OSTN: variants seen among roughly 807,000 people sequenced by gnomAD.
OSTN encodes osteocrin.
Under a neutral mutation model 12.0 loss-of-function variants are expected in OSTN, and 9 were observed. The observed-to-expected ratio is 0.75, with a 90% CI of 0.45 to 1.30. The LOEUF (loss-of-function observed/expected upper bound fraction) is 1.30, where lower values mean the gene tolerates loss of function less well. OSTN is among the 50% of genes most tolerant of loss of function. The pLI is 0.00. For synonymous variants in OSTN, 59 were observed against 56.9 expected (o/e 1.04, Z -0.16); for missense variants, 148 against 152.3 (o/e 0.97, Z 0.15).
intron 3 of OSTN, among the ~76,000 whole-genome samples, chr3:191,246,009 G>A (rs9869041): frequency 0.3 from 42,572 of 143,048 alleles, 7,676 homozygotes; most frequent in Middle Eastern, 0.53. Flanking sequence ...AAAGGTTGCC[G>A]TGAACTGAGA....
chr3:191,263,848 A>C lies in OSTN; in HGVS notation c.*995A>C, dbSNP rs1715862820. On this transcript the variant is annotated 3_prime_UTR_variant, in exon 5 of 5. Transcript: ENST00000682035. ...TTTTTGAATGACTTATTAAAACATAAGTTTTCGTATTGTAGAAAACTCAGT... is the reference window on the plus strand; with the variant it reads ...TTTTTGAATGACTTATTAAAACATACGTTTTCGTATTGTAGAAAACTCAGT... 1 of 152,152 alleles carries C rather than the reference A, an allele frequency of 6.6e-6. No homozygotes were observed. Among genetic ancestry groups the C allele is most frequent in the East Asian group, 1.9e-4 (1 of 5,204 alleles). The allele number at this position is 152,152 out of a possible 1,614,324, so 9.4% of individuals were successfully genotyped here.
chr3:191,209,939 G>A (rs1447269691), intron 1 of OSTN, among the ~76,000 whole-genome samples: 1 of 152,124 alleles, frequency 6.6e-6, no homozygotes, highest in Non-Finnish European at 1.5e-5. Context: ...TTCCCTCTCT[G>A]TCAGTTTTAT....
At chr3:191,235,177 G>C (rs1177415718) in intron 3 of OSTN, among the ~76,000 whole-genome samples, 3 of 152,088 alleles carry the variant, frequency 2.0e-5, no homozygotes, top group African/African-American at 7.2e-5. Flanking sequence ...AAACCCAAAG[G>C]CAGGTATTAA....
chr3:191,257,297 TC>T (rs923664160), intron 4 of OSTN, among the ~76,000 whole-genome samples: 46 of 152,146 alleles, frequency 3.0e-4, no homozygotes, highest in African/African-American at 1.1e-3. Context: ...GCATATTTTT[TC>T]TCTTATATCT....
At chr3:191,210,641 C>A (rs2108589993) in intron 1 of OSTN, among the ~76,000 whole-genome samples, 1 of 152,272 alleles carries the variant, frequency 6.6e-6, no homozygotes, top group South Asian at 2.1e-4. Context: ...AAAGCAAAAA[C>A]ATGACTCAAA....
At chr3:191,203,940 T>C (rs2108587501) in intron 1 of OSTN, among the ~76,000 whole-genome samples, 1 of 152,266 alleles carries the variant, frequency 6.6e-6, no homozygotes, top group South Asian at 2.1e-4. Flanking sequence ...CAAGCTGGAG[T>C]GCAATGGCGC....
intron 3 of OSTN, among the ~76,000 whole-genome samples, chr3:191,245,025 G>T (rs897688988): frequency 6.6e-6 from 1 of 152,076 alleles, no homozygotes; most frequent in Non-Finnish European, 1.5e-5. Flanking sequence ...ACTATATATT[G>T]TGTAGGAGGG....
At chr3:191,253,473 TAAGGATGAAGACCTC>T (rs1345083792) in intron 4 of OSTN, among the ~76,000 whole-genome samples, 2 of 152,200 alleles carry the variant, frequency 1.3e-5, no homozygotes, top group Non-Finnish European at 2.9e-5. Flanking sequence ...CTGGGAGGCT[TAAGGATGAAGACCTC>T]AACTTTCCAG....
intron 4 of OSTN, among the ~76,000 whole-genome samples, chr3:191,258,465 G>C (rs1394564063): frequency 6.6e-6 from 1 of 152,014 alleles, no homozygotes; most frequent in Non-Finnish European, 1.5e-5. Context: ...CACAGGGAGG[G>C]GAACATCACA....
At chr3:191,214,743 G>A (rs534735629) in intron 2 of OSTN, among the ~76,000 whole-genome samples, 1 of 152,236 alleles carries the variant, frequency 6.6e-6, no homozygotes, top group South Asian at 2.1e-4. Flanking sequence ...GAACTACTTG[G>A]TCAGGTGTGG....
chr3:191,208,097 T>C (rs185944274), intron 1 of OSTN, among the ~76,000 whole-genome samples: 2 of 151,794 alleles, frequency 1.3e-5, no homozygotes, highest in Admixed American at 1.3e-4. Context: ...AACTCCACAC[T>C]ATCCAGAGAA....
chr3:191,204,247 T>A (rs1191005031), intron 1 of OSTN, among the ~76,000 whole-genome samples: 1 of 152,054 alleles, frequency 6.6e-6, no homozygotes, highest in Non-Finnish European at 1.5e-5. Flanking sequence ...AGCTTGCTCC[T>A]TTTTTTCAGG....
At chr3:191,218,993 T>C (rs1560116071) in intron 3 of OSTN, 32 bp downstream of exon 3, 2 of 1,535,054 alleles carry the variant, frequency 1.3e-6, no homozygotes, top group African/African-American at 2.8e-5. Flanking sequence ...AAGTTTTTAT[T>C]TTCTAATTAT....
chr3:191,244,966 ACT>A (rs1715397889), intron 3 of OSTN, among the ~76,000 whole-genome samples: 2 of 152,200 alleles, frequency 1.3e-5, no homozygotes, highest in South Asian at 4.1e-4. Context: ...TTTCACTTAA[ACT>A]CTGCTCTGAG....
chr3:191,249,339 C>T (rs1715507545), intron 3 of OSTN, among the ~76,000 whole-genome samples: 1 of 152,070 alleles, frequency 6.6e-6, no homozygotes, highest in South Asian at 2.1e-4. Flanking sequence ...TGAAAAGTTT[C>T]TAAAATGCAT....
intron 4 of OSTN, among the ~76,000 whole-genome samples, chr3:191,257,573 G>C (rs535902090): frequency 6.6e-6 from 1 of 152,214 alleles, no homozygotes; most frequent in East Asian, 1.9e-4. Flanking sequence ...CTCATCATGG[G>C]CATCTGTCTA....
At position 191,218,803 on chromosome 3, in the gene OSTN, A is replaced by G. The variant is rs1231081017; in HGVS notation, c.159A>G (p.Lys53=). 4.3e-6 allele frequency: 7 copies of G among 1,613,980 alleles called. No individual in the cohort carries two copies. The highest frequency in any genetic ancestry group is 2.2e-5 in the East Asian group (1 of 44,886). The change falls in exon 3 of 5, where the codon AAA becomes AAG. Residue 53 remains lysine (K), a synonymous_variant. Transcript: ENST00000682035. ...CAACACCCACAGTCAGGGAAGAGAA[A>G]TCAGCCACTGACCTGACAGCAAAAC... ...VQSTPTVREE[K]SATDLTAKLL... is the part of the protein sequence containing the mutation.
At chr3:191,218,704 CTCTT>C (rs1714685723) in intron 2 of OSTN, 39 bp from the exon 3 acceptor site, 1 of 1,523,270 alleles carries the variant, frequency 6.6e-7, no homozygotes, top group African/African-American at 1.4e-5. Flanking sequence ...TACTTGGAGT[CTCTT>C]TGTCTAAATT....
rs1040187921 is a variant in OSTN, at chr3:191,264,479, A to T, written c.*1626A>T. ...ATTAATTTAGGAAAAATAGTAAATA[A>T]TTTTTTTTCATTGTAGTAGAGGGCT... On this transcript the variant is annotated 3_prime_UTR_variant, in exon 5 of 5. Transcript: ENST00000682035. The T allele has an allele frequency of 1.3e-5, 2 of 151,998 alleles. No individual in the cohort carries two copies. Among genetic ancestry groups the T allele is most frequent in the Non-Finnish European group, 2.9e-5 (2 of 67,928 alleles). 9.4% of individuals were successfully genotyped at this position (151,998 alleles called of 1,614,324 possible). A position where few individuals can be genotyped will look rare whatever the true frequency, so the allele number is the denominator to read the frequency against.
Sources: gnomAD v4.1 joint callset for allele counts (sites outside exome capture counted in the v4.1 genomes callset) on GRCh38, gnomAD v4.1.1 for gene constraint, MANE v1.5 for transcripts, NCBI Gene and HGNC (gene_info 2026-07-23, HGNC 2026-07-21) for gene names.